The following DMD variants were observed in gnomAD, a reference collection of about 807,000 sequenced individuals.
DMD encodes mutant dystrophin.
In DMD, 63 loss-of-function variants were observed where a neutral mutation model predicts 330.1. The ratio of observed to expected loss-of-function variants is 0.19; its 90% confidence interval spans 0.16 to 0.24. DMD has a LOEUF of 0.24. Ranked by LOEUF, DMD falls within the 10% of genes least tolerant of loss-of-function variation. The pLI is 1.00. For synonymous variants in DMD, 1,223 were observed against 959.8 expected (o/e 1.27, Z -5.07); for missense variants, 3,344 against 2,684.1 (o/e 1.25, Z -5.43).
Position 32,752,981 on chromosome X carries a change from C to A in DMD, c.650-53688G>T, listed in dbSNP as rs921824272. Among the ~76,000 whole-genome samples the A allele has an allele frequency of 7.2e-5, 8 of 110,800 alleles. No homozygotes were observed. In the Admixed American group the frequency reaches 7.7e-4, roughly 11 times the overall value. On this transcript the variant is annotated intron_variant, in intron 7 of 78. Transcript: ENST00000357033. ...AAACCCTTTTTGCTGTATAAATTAC[C>A]CAATCTCAGGTATCTCTTTATCAGC...
intron 45 of DMD, among the ~76,000 whole-genome samples, chrX:31,958,096 G>GT (rs745655022): frequency 0.068 from 5,095 of 74,480 alleles, 417 homozygotes; most frequent in African/African-American, 0.2. Context: ...CATTTGGCCT[G>GT]TTTTTTTTTT....
At position 32,425,311 on chromosome X, in the gene DMD, T is replaced by C. The variant is rs188726595; in HGVS notation, c.4071+12930A>G. On this transcript the variant is annotated intron_variant, in intron 29 of 78. Transcript: ENST00000357033. ...ATTTATCCTTGGTGGATAAACTTTC[T>C]CAAACTTACTACTCTCCACCTCAGA... Among the ~76,000 whole-genome samples, 669 of 111,082 alleles carry C rather than the reference T, an allele frequency of 6.0e-3. 2 individuals carry two copies. Among genetic ancestry groups the C allele is most frequent in the South Asian group, 0.042 (111 of 2,639 alleles).
intron 7 of DMD, among the ~76,000 whole-genome samples, chrX:32,735,743 C>A (rs1336499075): frequency 8.9e-6 from 1 of 111,832 alleles, no homozygotes; most frequent in Admixed American, 9.5e-5. Flanking sequence ...ATCCCTTCCT[C>A]ACACCTTATA....
chrX:31,925,637 C>T (rs781773660), intron 47 of DMD, among the ~76,000 whole-genome samples: 1 of 110,794 alleles, frequency 9.0e-6, no homozygotes, highest in Non-Finnish European at 1.9e-5. Flanking sequence ...TTTGGGAGGC[C>T]GAGGTGGGCA....
intron 71 of DMD, 145 bp downstream of exon 71, chrX:31,177,787 A>G: frequency 8.7e-6 from 5 of 575,357 alleles, no homozygotes; most frequent in Non-Finnish European, 1.4e-5. Flanking sequence ...AAAGAAAAAA[A>G]AAAACTGAAA....
intron 15 of DMD, among the ~76,000 whole-genome samples, chrX:32,568,512 A>G (rs1376247218): frequency 9.1e-6 from 1 of 110,366 alleles, no homozygotes; most frequent in African/African-American, 3.3e-5. Flanking sequence ...ATCTCAAGAA[A>G]AAAAAAAAAA....
chrX:32,543,320 T>C (rs754758315), intron 17 of DMD, among the ~76,000 whole-genome samples: 1 of 110,368 alleles, frequency 9.1e-6, no homozygotes, highest in Admixed American at 9.7e-5. Context: ...CAAAAAGAAG[T>C]CAGAACACAC....
intron 1 of DMD, among the ~76,000 whole-genome samples, chrX:33,324,593 C>T (rs1234020604): frequency 1.8e-5 from 2 of 111,071 alleles, no homozygotes; most frequent in East Asian, 5.7e-4. Flanking sequence ...AATGATTCTT[C>T]CTGATGCTGG....
chrX:33,315,610 C>T (rs1229357749), intron 1 of DMD, among the ~76,000 whole-genome samples: 2 of 112,293 alleles, frequency 1.8e-5, no homozygotes, highest in African/African-American at 3.2e-5. Flanking sequence ...TTCCTGAACC[C>T]GGTTGTATGC....
At chrX:31,634,009 T>C (rs2079269844) in intron 54 of DMD, among the ~76,000 whole-genome samples, 1 of 112,261 alleles carries the variant, frequency 8.9e-6, no homozygotes, top group South Asian at 3.6e-4. Context: ...CTCTCTGATA[T>C]ATTCATTGTA....
intron 7 of DMD, among the ~76,000 whole-genome samples, chrX:32,763,900 G>GT (rs1401425746): frequency 9.0e-6 from 1 of 111,220 alleles, no homozygotes; most frequent in Non-Finnish European, 1.9e-5. Flanking sequence ...TTGATTATCT[G>GT]TTAAAAAAGA....
rs189268725 is a variant in DMD at position 32,160,767 on chromosome X, G to T, written c.6438+56149C>A. Among the ~76,000 whole-genome samples the T allele has an allele frequency of 3.2e-4, 35 of 110,962 alleles. No homozygotes were observed. The East Asian group carries it at 8.8e-3, about 28-fold the overall frequency. On this transcript the variant is annotated intron_variant, in intron 44 of 78. Coordinates refer to ENST00000357033, the MANE Select transcript of DMD (RefSeq NM_004006.3). ...TTATTGCAATGGTATTTGCTGTATT[G>T]GAATTTGACCCACAGTACAAGTTAT...
chrX:32,121,162 G>A (rs867347696), intron 44 of DMD, among the ~76,000 whole-genome samples: 1 of 111,784 alleles, frequency 8.9e-6, no homozygotes, highest in Middle Eastern at 4.6e-3. Flanking sequence ...AATTGCAATG[G>A]TATCCATGGT....
chrX:32,846,215 A>C (rs1287814570), intron 3 of DMD, among the ~76,000 whole-genome samples: 1 of 111,821 alleles, frequency 8.9e-6, no homozygotes, highest in Non-Finnish European at 1.9e-5. Flanking sequence ...TATTGTACAG[A>C]AGTGAACCTC....
intron 1 of DMD, among the ~76,000 whole-genome samples, chrX:33,044,669 C>A (rs1469395785): frequency 9.0e-6 from 1 of 111,683 alleles, no homozygotes; most frequent in African/African-American, 3.3e-5. Flanking sequence ...TAATTCAGAA[C>A]CATACTGAAA....
chrX:32,875,171 C>T (rs1475266663), intron 2 of DMD, among the ~76,000 whole-genome samples: 1 of 112,201 alleles, frequency 8.9e-6, no homozygotes, highest in Non-Finnish European at 1.9e-5. Flanking sequence ...TGAATCACAG[C>T]CCTCTCGATC....
chrX:31,998,120 A>AAAC (rs757624726), intron 44 of DMD, among the ~76,000 whole-genome samples: 1 of 111,740 alleles, frequency 8.9e-6, no homozygotes, highest in African/African-American at 3.2e-5. Context: ...CCCATGACAA[A>AAAC]AACTACATTT....
intron 2 of DMD, among the ~76,000 whole-genome samples, chrX:32,859,376 G>A (rs142885190): frequency 0.019 from 2,051 of 108,143 alleles, 60 homozygotes; most frequent in African/African-American, 0.066. Flanking sequence ...GCTGAGGCAG[G>A]AGAATCGCTA....
intron 33 of DMD, 71 bp from the exon 34 acceptor site, chrX:32,380,751 G>A: frequency 2.3e-6 from 2 of 872,512 alleles, no homozygotes; most frequent in Non-Finnish European, 3.3e-6. Context: ...CCACTTATTT[G>A]GAACTTTTAT....
Sources: gnomAD v4.1 joint callset for allele counts (sites outside exome capture counted in the v4.1 genomes callset) on GRCh38, gnomAD v4.1.1 for gene constraint, MANE v1.5 for transcripts, NCBI Gene and HGNC (gene_info 2026-07-23, HGNC 2026-07-21) for gene names.